Variants in PARD3 observed in about 807,000 individuals in gnomAD.
PARD3 encodes partitioning defective 3 homolog.
Under a neutral mutation model 155.4 loss-of-function variants are expected in PARD3, and 75 were observed. The observed-to-expected ratio is 0.48, with a 90% confidence interval of 0.40 to 0.58. The LOEUF is 0.58. Among genes scored for constraint, PARD3 ranks in the 20% least tolerant of loss-of-function variants. PARD3 has a pLI of 0.00. For missense variants in PARD3, 1,642 were observed against 1,721.7 expected, an observed-to-expected ratio of 0.95 and a Z score of 0.82; for synonymous variants, 576 against 610.5, an observed-to-expected ratio of 0.94 and a Z score of 0.83.
chr10:34,656,853 T>G, intron 2 of PARD3, among the ~76,000 whole-genome samples: 1 of 152,200 alleles, frequency 6.6e-6, no homozygotes, highest in South Asian at 2.1e-4. Flanking sequence ...TTGTTAGCGC[T>G]CTTGTATTTG....
chr10:34,392,045 T>C (rs1842913794), intron 7 of PARD3, among the ~76,000 whole-genome samples: 1 of 151,978 alleles, frequency 6.6e-6, no homozygotes, highest in Non-Finnish European at 1.5e-5. Context: ...TGGTCGCAGC[T>C]ACTAGGGAGG....
intron 7 of PARD3, among the ~76,000 whole-genome samples, chr10:34,396,177 C>A (rs1843323708): frequency 6.6e-6 from 1 of 152,136 alleles, no homozygotes; most frequent in Non-Finnish European, 1.5e-5. Flanking sequence ...TGGTGAAACC[C>A]TGTCTCTGCT....
At chr10:34,597,680 T>C (rs1380990255) in intron 2 of PARD3, among the ~76,000 whole-genome samples, 4 of 151,958 alleles carry the variant, frequency 2.6e-5, no homozygotes, top group Non-Finnish European at 4.4e-5. Flanking sequence ...TATCCTAATT[T>C]TCTGTGCATA....
intron 1 of PARD3, among the ~76,000 whole-genome samples, chr10:34,722,151 C>T (rs1041844833): frequency 1.8e-4 from 27 of 152,240 alleles, no homozygotes; most frequent in African/African-American, 6.5e-4. Context: ...CATGATGGTG[C>T]CACTGCACTC....
At chr10:34,187,497 A>T (rs1367423793) in intron 22 of PARD3, among the ~76,000 whole-genome samples, 1 of 152,176 alleles carries the variant, frequency 6.6e-6, no homozygotes, top group African/African-American at 2.4e-5. Flanking sequence ...AGGGGGGAAA[A>T]ATCAAACCAC....
intron 1 of PARD3, among the ~76,000 whole-genome samples, chr10:34,799,750 G>A (rs1429969328): frequency 1.3e-5 from 2 of 152,014 alleles, no homozygotes; most frequent in African/African-American, 4.8e-5. Context: ...CAGCACTTTG[G>A]GGAGCCAAAG....
chr10:34,609,462 AG>A (rs1318463690), intron 2 of PARD3, among the ~76,000 whole-genome samples: 1 of 152,220 alleles, frequency 6.6e-6, no homozygotes, highest in East Asian at 1.9e-4. Context: ...ACCTGCTCTT[AG>A]AAGTATACCA....
chr10:34,615,666 T>C (rs1022207933), intron 2 of PARD3, among the ~76,000 whole-genome samples: 5 of 152,050 alleles, frequency 3.3e-5, no homozygotes, highest in Admixed American at 6.5e-5. Flanking sequence ...AAGCGACAAC[T>C]ACAGAATGGG....
At chr10:34,748,367 G>C (rs1835568275) in intron 1 of PARD3, among the ~76,000 whole-genome samples, 1 of 152,160 alleles carries the variant, frequency 6.6e-6, no homozygotes, top group Admixed American at 6.5e-5. Flanking sequence ...CTACTCGGGA[G>C]GCTGAGGCAC....
intron 1 of PARD3, among the ~76,000 whole-genome samples, chr10:34,739,789 C>A (rs2094975879): frequency 6.6e-6 from 1 of 152,150 alleles, no homozygotes; most frequent in African/African-American, 2.4e-5. Context: ...AGAAAATGCC[C>A]CATGCACTGA....
chr10:34,550,571 T>C (rs1318360430), intron 2 of PARD3, among the ~76,000 whole-genome samples: 2 of 152,172 alleles, frequency 1.3e-5, no homozygotes, highest in African/African-American at 4.8e-5. Flanking sequence ...CACCTTCCTT[T>C]TGAAAAAAAC....
chr10:34,559,459 AAAAAAG>A (rs964916374), intron 2 of PARD3, among the ~76,000 whole-genome samples: 9 of 152,076 alleles, frequency 5.9e-5, no homozygotes, highest in African/African-American at 2.2e-4. Context: ...ATGAAAAAAA[AAAAAAG>A]AAAAGAAACT....
chr10:34,317,194 C>A lies in PARD3; in HGVS notation c.2978G>T (p.Gly993Val). ...DKTDRKKDKT[G>V]KEKKKDRDKE... is the part of the protein sequence containing the mutation. ...ATCTCTATCTTTCTTCTTTTCTTTTCCAGTTTTATCCTTTTTTCTATCAGT... is the reference window on the plus strand; with the variant it reads ...ATCTCTATCTTTCTTCTTTTCTTTTACAGTTTTATCCTTTTTTCTATCAGT... Residue 993 changes from glycine (G) to valine (V), a missense_variant, in exon 20 of 25, where the codon GGA (glycine) becomes GTA (valine). By Grantham distance (109) the Gly-to-Val change is moderately radical. Coordinates refer to ENST00000374788, the MANE Select transcript of PARD3 (RefSeq NM_001184785.2). The A allele has an allele frequency of 6.2e-7, 1 of 1,612,674 alleles. No individual in the cohort carries two copies. The highest frequency in any genetic ancestry group is 8.5e-7 in the Non-Finnish European group (1 of 1,179,378).
At chr10:34,444,495 G>A (rs773791511) in intron 5 of PARD3, among the ~76,000 whole-genome samples, 36 of 152,154 alleles carry the variant, frequency 2.4e-4, no homozygotes, top group Non-Finnish European at 4.0e-4. Flanking sequence ...TAAAAGTGCT[G>A]TTGTTTTTTG....
chr10:34,403,886 T>C (rs1844161873), intron 5 of PARD3, among the ~76,000 whole-genome samples: 1 of 152,150 alleles, frequency 6.6e-6, no homozygotes, highest in African/African-American at 2.4e-5. Flanking sequence ...AAAAATAATC[T>C]TACACATTAC....
intron 13 of PARD3, 32 bp from the exon 14 acceptor site, chr10:34,359,349 T>A (rs1415958478): frequency 6.7e-7 from 1 of 1,492,836 alleles, no homozygotes; most frequent in African/African-American, 1.4e-5. Flanking sequence ...ATAAGTGCTA[T>A]TAAACAGACT....
chr10:34,399,774 C>G (rs1843702835), intron 6 of PARD3, among the ~76,000 whole-genome samples: 2 of 152,174 alleles, frequency 1.3e-5, no homozygotes, highest in Admixed American at 1.3e-4. Context: ...CACTGAAACT[C>G]TTCCATCCCA....
intron 2 of PARD3, among the ~76,000 whole-genome samples, chr10:34,570,005 TCAAA>T (rs1047444081): frequency 3.9e-5 from 6 of 152,062 alleles, no homozygotes; most frequent in Admixed American, 1.3e-4. Context: ...TTTATTTCCC[TCAAA>T]CAGAGACAAA....
intron 20 of PARD3, among the ~76,000 whole-genome samples, chr10:34,295,310 C>T (rs1258707430): frequency 6.6e-6 from 1 of 152,136 alleles, no homozygotes; most frequent in African/African-American, 2.4e-5. Flanking sequence ...ACAAGAAATT[C>T]GGCAAATGTC....
Sources: gnomAD v4.1 joint callset for allele counts (sites outside exome capture counted in the v4.1 genomes callset) on GRCh38, gnomAD v4.1.1 for gene constraint, MANE v1.5 for transcripts, NCBI Gene and HGNC (gene_info 2026-07-23, HGNC 2026-07-21) for gene names.